NAALADL2: variants seen among roughly 807,000 people sequenced by gnomAD.
NAALADL2 encodes inactive N-acetylated-alpha-linked acidic dipeptidase-like protein 2.
In NAALADL2, 76 loss-of-function variants were observed where a neutral mutation model predicts 87.2. The observed-to-expected ratio is 0.87, with a 90% CI of 0.72 to 1.05. NAALADL2 has a LOEUF of 1.05. NAALADL2 is among the 50% of genes least tolerant of loss of function. NAALADL2 has a pLI of 0.00. For synonymous variants in NAALADL2, 354 were observed against 331.0 expected (o/e 1.07, Z -0.75); for missense variants, 1,089 against 945.8 (o/e 1.15, Z -1.99).
intron 5 of NAALADL2, among the ~76,000 whole-genome samples, chr3:175,415,342 G>T (rs1169266666): frequency 3.9e-5 from 6 of 152,116 alleles, no homozygotes; most frequent in Non-Finnish European, 8.8e-5. Context: ...TATGATGCAG[G>T]AGGGGAAAAA....
intron 13 of NAALADL2, among the ~76,000 whole-genome samples, chr3:175,794,537 C>A (rs1299453085): frequency 1.3e-5 from 2 of 152,034 alleles, no homozygotes; most frequent in Admixed American, 6.5e-5. Flanking sequence ...GTTAAACTAT[C>A]GAGCACTGTG....
intron 4 of NAALADL2, among the ~76,000 whole-genome samples, chr3:175,304,285 A>T (rs534544094): frequency 1.3e-5 from 2 of 151,768 alleles, no homozygotes; most frequent in Non-Finnish European, 2.9e-5. Flanking sequence ...ATTAGTGGAT[A>T]CTCTCCTTCT....
intron 5 of NAALADL2, among the ~76,000 whole-genome samples, chr3:175,387,228 G>A (rs1768501936): frequency 1.3e-5 from 2 of 152,076 alleles, no homozygotes; most frequent in African/African-American, 2.4e-5. Context: ...TACTATCTGC[G>A]GTTTCAGGCA....
intron 1 of NAALADL2, among the ~76,000 whole-genome samples, chr3:175,011,272 CAGAGAGACAGAGAGAGAGAGAGAGAG>C (rs1317576781): frequency 1.7e-4 from 19 of 110,290 alleles, no homozygotes; most frequent in Non-Finnish European, 6.1e-5. Flanking sequence ...GGGAGAGAGA[CAGAGAGACAGAGAGAGAGAGAGAGAG>C]AGAGAGAGAG....
At chr3:175,390,256 C>CA (rs1768916230) in intron 5 of NAALADL2, among the ~76,000 whole-genome samples, 1 of 152,042 alleles carries the variant, frequency 6.6e-6, no homozygotes, top group Non-Finnish European at 1.5e-5. Flanking sequence ...GCTCAAATTC[C>CA]ATGATCATTT....
At chr3:174,981,654 C>T (rs1475368221) in intron 1 of NAALADL2, among the ~76,000 whole-genome samples, 1 of 152,098 alleles carries the variant, frequency 6.6e-6, no homozygotes, top group Non-Finnish European at 1.5e-5. Flanking sequence ...TGAGAGTCTG[C>T]GTCGCTTCGG....
rs1359503286 is a variant in NAALADL2 at position 175,131,782 on chromosome 3, C to A, written c.545+34491C>A. On this transcript the variant is annotated intron_variant, in intron 2 of 13. Transcript: ENST00000454872. ...TGGCCGGGCAGGGGGCTGACCCCCC[C>A]ACCTCCCTCCCGGACGGGGGGCCTG... Among the ~76,000 whole-genome samples, 4 of 149,014 alleles carry A rather than the reference C, an allele frequency of 2.7e-5. 1 individual carries two copies. The highest frequency in any genetic ancestry group is 9.9e-5 in the African/African-American group (4 of 40,402).
chr3:174,733,698 A>G lies in NAALADL2; in HGVS notation c.-114-3943A>G, dbSNP rs187692494. On this transcript the variant is annotated intron_variant, in intron 2 of 3. Transcript: ENST00000434257. Reference sequence around the variant, plus strand: ...GTCAATTACTAACACAAGTATTGCCATGGAAGAAGGATTGAATGGGGTGCT... The same window carrying G: ...GTCAATTACTAACACAAGTATTGCCGTGGAAGAAGGATTGAATGGGGTGCT... 2.0e-3 allele frequency among the ~76,000 whole-genome samples: 307 copies of G among 152,322 alleles called. 1 individual carries two copies. The highest frequency in any genetic ancestry group is 7.2e-3 in the African/African-American group (298 of 41,576).
chr3:175,279,968 T>C (rs1052776824), intron 4 of NAALADL2, among the ~76,000 whole-genome samples: 9 of 151,998 alleles, frequency 5.9e-5, no homozygotes, highest in African/African-American at 2.2e-4. Context: ...GTGAATAGGA[T>C]TTTCTCTTTT....
At chr3:174,714,474 C>T (rs924083121) in intron 2 of NAALADL2, among the ~76,000 whole-genome samples, 3 of 152,114 alleles carry the variant, frequency 2.0e-5, no homozygotes, top group African/African-American at 7.2e-5. Flanking sequence ...TCTTTTATTT[C>T]ATTGAGCAGT....
At chr3:175,035,412 G>A (rs2108936776) in intron 1 of NAALADL2, among the ~76,000 whole-genome samples, 1 of 152,188 alleles carries the variant, frequency 6.6e-6, no homozygotes, top group East Asian at 1.9e-4. Context: ...GCCATCAGTA[G>A]GAGAGCAATA....
intron 1 of NAALADL2, among the ~76,000 whole-genome samples, chr3:174,488,229 G>T (rs978139582): frequency 3.3e-5 from 5 of 151,946 alleles, no homozygotes; most frequent in Admixed American, 2.6e-4. Flanking sequence ...CTTCATCACT[G>T]CTGTAATCAA....
intron 2 of NAALADL2, among the ~76,000 whole-genome samples, chr3:175,105,634 TACACACAGAC>T (rs1560033288): frequency 9.5e-6 from 1 of 104,912 alleles, no homozygotes; most frequent in Non-Finnish European, 1.9e-5. Context: ...TATTTGAGAA[TACACACAGAC>T]ACACACACAC....
At chr3:175,149,384 GAC>G (rs1731221683) in intron 2 of NAALADL2, among the ~76,000 whole-genome samples, 2 of 152,058 alleles carry the variant, frequency 1.3e-5, no homozygotes, top group Non-Finnish European at 2.9e-5. Flanking sequence ...AAAAAGGAAA[GAC>G]AGTCTCAAAT....
At chr3:175,046,037 A>C (rs1190843120) in intron 1 of NAALADL2, among the ~76,000 whole-genome samples, 1 of 151,896 alleles carries the variant, frequency 6.6e-6, no homozygotes, top group East Asian at 1.9e-4. Flanking sequence ...TTTGGAAATA[A>C]TATTTTTTAG....
intron 5 of NAALADL2, among the ~76,000 whole-genome samples, chr3:175,325,316 G>A (rs1760570114): frequency 6.6e-6 from 1 of 152,094 alleles, no homozygotes; most frequent in African/African-American, 2.4e-5. Context: ...TGCATCTACT[G>A]ATTATTGCTT....
intron 1 of NAALADL2, among the ~76,000 whole-genome samples, chr3:174,888,779 G>T (rs976031621): frequency 1.3e-5 from 2 of 152,162 alleles, no homozygotes; most frequent in Non-Finnish European, 2.9e-5. Flanking sequence ...TCAAAATACT[G>T]TATTATTATG....
intron 11 of NAALADL2, chr3:175,718,255 A>G (rs4086913): frequency 0.31 from 333,544 of 1,090,928 alleles, 45,637 homozygotes; most frequent in African/African-American, 0.68. Flanking sequence ...CCTTCGGGCG[A>G]CTGAGGGAGT....
chr3:175,461,489 C>A (rs954749188), intron 6 of NAALADL2, among the ~76,000 whole-genome samples: 1 of 152,152 alleles, frequency 6.6e-6, no homozygotes, highest in Non-Finnish European at 1.5e-5. Context: ...CTAATCACGA[C>A]ACCCCAACAG....
Sources: allele counts gnomAD v4.1 joint callset (sites outside exome capture counted in the v4.1 genomes callset), GRCh38; gene constraint gnomAD v4.1.1; transcripts MANE v1.5; gene names NCBI Gene and HGNC (gene_info 2026-07-23, HGNC 2026-07-21).